BCAS1: variants seen among roughly 807,000 people sequenced by gnomAD.
BCAS1 encodes breast carcinoma-amplified sequence 1.
Under a neutral mutation model 65.4 loss-of-function variants are expected in BCAS1, and 46 were observed. The observed-to-expected ratio is 0.70, with a 90% CI of 0.55 to 0.90. The LOEUF (loss-of-function observed/expected upper bound fraction) is 0.90. BCAS1 is among the 40% of genes least tolerant of loss of function. The pLI, the probability that BCAS1 is intolerant of heterozygous loss-of-function variation, is 0.00. For missense variants in BCAS1, 793 were observed against 771.2 expected (o/e 1.03, Z -0.33); for synonymous variants, 298 against 293.5 (o/e 1.02, Z -0.16).
chr20:54,048,271 A>G (rs1053161597), intron 3 of BCAS1, among the ~76,000 whole-genome samples: 3 of 152,218 alleles, frequency 2.0e-5, no homozygotes, highest in Non-Finnish European at 4.4e-5. Context: ...GCTCAATTCT[A>G]ATAATTCTTT....
chr20:53,972,378 G>A (rs1289413041), intron 9 of BCAS1, among the ~76,000 whole-genome samples: 2 of 152,132 alleles, frequency 1.3e-5, no homozygotes, highest in Non-Finnish European at 2.9e-5. Context: ...GAAAATCACC[G>A]ATTACTGGGA....
chr20:53,947,764 C>T (rs936052735), intron 12 of BCAS1, among the ~76,000 whole-genome samples: 2 of 152,166 alleles, frequency 1.3e-5, no homozygotes, highest in Admixed American at 6.5e-5. Context: ...GCATTGTAAT[C>T]GCTTGTTGCT....
At chr20:54,022,284 GTT>G (rs772991145) in intron 4 of BCAS1, among the ~76,000 whole-genome samples, 3 of 142,012 alleles carry the variant, frequency 2.1e-5, no homozygotes, top group African/African-American at 7.8e-5. Context: ...TTAATTGATT[GTT>G]GTGTGTGTGT....
intron 4 of BCAS1, among the ~76,000 whole-genome samples, chr20:54,013,528 T>C (rs2091367086): frequency 6.6e-6 from 1 of 152,244 alleles, no homozygotes; most frequent in Non-Finnish European, 1.5e-5. Context: ...CAGAGTGGCA[T>C]TGTGTACCAA....
rs369411551 is a variant in BCAS1 at position 53,966,933 on chromosome 20, G to T, written c.1458C>A (p.Thr486=). Residue 486 remains threonine, a synonymous_variant, in exon 10 of 13, where the codon ACC becomes ACA. Transcript: ENST00000688948. ...TTTGTCTGAGAAACGCCATCAGAGA[G>T]GTTCTTGGTTTGCTTTCTTCTCTTT... ...KLKREESKPR[T]SLMAFLRQMS... 29 of 1,612,234 alleles carry T rather than the reference G, an allele frequency of 1.8e-5. No individual in the cohort carries two copies. Among genetic ancestry groups the T allele is most frequent in the Non-Finnish European group, 2.4e-5 (28 of 1,179,478 alleles).
chr20:54,017,393 T>TC, intron 4 of BCAS1, among the ~76,000 whole-genome samples: 1 of 133,092 alleles, frequency 7.5e-6, no homozygotes, highest in Admixed American at 7.4e-5. Flanking sequence ...TGATTTTTTT[T>TC]CTTTTCTTTT....
chr20:54,035,400 CAAAA>C (rs1288429763), intron 3 of BCAS1, among the ~76,000 whole-genome samples: 4 of 62,066 alleles, frequency 6.4e-5, no homozygotes, highest in East Asian at 3.7e-4. Context: ...GACTCCGTCT[CAAAA>C]AAAAAAAAAA....
At position 53,986,010 on chromosome 20, in the gene BCAS1, T is replaced by C. The variant is rs370419321; in HGVS notation, c.1063-511A>G. Among the ~76,000 whole-genome samples, 66 of 152,350 alleles carry C rather than the reference T, an allele frequency of 4.3e-4. 1 individual carries two copies. Among genetic ancestry groups the C allele is most frequent in the African/African-American group, 1.6e-3 (65 of 41,584 alleles). ...CTCCATACTCCACTTTGGGGATGACTGAGTTAGACTATAAAGTTAGTAAAA... is the reference window on the plus strand; with the variant it reads ...CTCCATACTCCACTTTGGGGATGACCGAGTTAGACTATAAAGTTAGTAAAA... On this transcript the variant is annotated intron_variant, in intron 7 of 12. Coordinates refer to ENST00000688948, the MANE Select transcript of BCAS1 (RefSeq NM_001366298.2).
intron 1 of BCAS1, among the ~76,000 whole-genome samples, chr20:54,066,767 A>C (rs1219231067): frequency 2.6e-5 from 4 of 152,090 alleles, no homozygotes; most frequent in Admixed American, 1.3e-4. Flanking sequence ...ATGAGAAAAC[A>C]AAAATGACTG....
intron 10 of BCAS1, among the ~76,000 whole-genome samples, 167 bp from the exon 11 acceptor site, chr20:53,957,664 T>A (rs746153015): frequency 6.6e-6 from 1 of 152,220 alleles, no homozygotes; most frequent in Non-Finnish European, 1.5e-5. Context: ...GAGATTTCCA[T>A]GCAATTTCTA....
Position 54,031,087 on chromosome 20 carries a change from G to A in BCAS1, c.143-2115C>T, listed in dbSNP as rs539010009. Among the ~76,000 whole-genome samples, 62 of 151,394 alleles carry A rather than the reference G, an allele frequency of 4.1e-4. 1 individual carries two copies. The highest frequency in any genetic ancestry group is 1.4e-3 in the African/African-American group (57 of 41,472). On this transcript the variant is annotated intron_variant, in intron 3 of 12. Transcript: ENST00000688948. ...GGAAGGGCTTTTCAAAATGCCAAGA[G>A]CACCAACTTATATCTTTCAGTTTAA...
chr20:53,981,951 A>T (rs1198962049), intron 8 of BCAS1, among the ~76,000 whole-genome samples: 1 of 152,208 alleles, frequency 6.6e-6, no homozygotes, highest in Non-Finnish European at 1.5e-5. Context: ...GTGGGTGTTT[A>T]GTCATGACCA....
At chr20:54,001,872 G>C (rs1354533495) in intron 4 of BCAS1, among the ~76,000 whole-genome samples, 3 of 152,120 alleles carry the variant, frequency 2.0e-5, no homozygotes, top group Admixed American at 1.3e-4. Flanking sequence ...AGTTACATTA[G>C]GTAGGACCAA....
intron 7 of BCAS1, among the ~76,000 whole-genome samples, chr20:53,989,091 T>C (rs2145801222): frequency 6.6e-6 from 1 of 152,266 alleles, no homozygotes; most frequent in African/African-American, 2.4e-5. Flanking sequence ...CCTAAAGAAT[T>C]ACAGTGCATT....
In BCAS1 at chr20:53,996,062, A is replaced by G; in HGVS notation, c.724-12T>C. ...CCGTCAACTATGTCCTAGGGGCAAA[A>G]CAGTTGTCACAGTTGCCACTTGCTG... On this transcript the variant is annotated splice_polypyrimidine_tract_variant and intron_variant, in intron 4 of 12. Coordinates refer to ENST00000688948, the MANE Select transcript of BCAS1 (RefSeq NM_001366298.2). 1 of 1,561,988 alleles carries G rather than the reference A, an allele frequency of 6.4e-7. No individual in the cohort carries two copies. The highest frequency in any genetic ancestry group is 8.7e-7 in the Non-Finnish European group (1 of 1,152,516).
chr20:53,959,090 G>T (rs969928179), intron 10 of BCAS1, among the ~76,000 whole-genome samples: 2 of 152,064 alleles, frequency 1.3e-5, no homozygotes, highest in African/African-American at 4.8e-5. Flanking sequence ...CTTTATTTTT[G>T]ATATTATTAT....
In BCAS1 at chr20:53,992,463, G is replaced by T. The variant is rs2276500; in HGVS notation, c.1062+49C>A. 11 of 1,356,540 alleles carry T rather than the reference G, an allele frequency of 8.1e-6. No homozygotes were observed. In the Admixed American group the frequency reaches 1.9e-4, roughly 24 times the overall value. The allele number at this position is 1,356,540 out of a possible 1,614,324, so 84.0% of individuals were successfully genotyped here. A position where few individuals can be genotyped will look rare whatever the true frequency, so the allele number is the denominator to read the frequency against. On this transcript the variant is annotated intron_variant, in intron 7 of 12. Coordinates refer to ENST00000688948, the MANE Select transcript of BCAS1 (RefSeq NM_001366298.2). The stretch of plus-strand genomic sequence containing the variant: ...GTGGGCTCAGGATGGCACATGTCTT[G>T]TGAAGACCAGAGTTCTTGTTTTTCC...
chr20:53,995,862 T>A, intron 5 of BCAS1, 30 bp downstream of exon 5: 1 of 1,565,556 alleles, frequency 6.4e-7, no homozygotes, highest in Non-Finnish European at 8.7e-7. Context: ...AGCAATAGAG[T>A]GGAGGGGAAA....
intron 1 of BCAS1, 48 bp from the exon 2 acceptor site, chr20:54,058,771 C>T: frequency 4.4e-6 from 7 of 1,600,836 alleles, no homozygotes; most frequent in African/African-American, 1.3e-5. Flanking sequence ...CAAAACCAAA[C>T]GAAGCTACAT....
Sources: gnomAD v4.1 joint callset for allele counts (sites outside exome capture counted in the v4.1 genomes callset) on GRCh38, gnomAD v4.1.1 for gene constraint, MANE v1.5 for transcripts, NCBI Gene and HGNC (gene_info 2026-07-23, HGNC 2026-07-21) for gene names.